Variants in RMND1 observed in about 807,000 individuals in gnomAD.
The protein encoded by RMND1 is required for meiotic nuclear division 1 homolog.
RMND1 carries 41 observed loss-of-function variants against 54.0 expected under a neutral mutation model. The observed-to-expected ratio is 0.76, with a 90% CI of 0.59 to 0.98. The LOEUF is 0.98. RMND1 is among the 50% of genes least tolerant of loss of function. RMND1 has a pLI of 0.00. For missense variants in RMND1, 457 were observed against 532.0 expected, an observed-to-expected ratio of 0.86 and a Z score of 1.39; for synonymous variants, 183 against 181.7, an observed-to-expected ratio of 1.01 and a Z score of -0.06.
chr6:151,417,492 C>T (rs1721505104), intron 9 of RMND1, 93 bp from the exon 10 acceptor site: 8 of 820,000 alleles, frequency 9.8e-6, no homozygotes, highest in Admixed American at 3.5e-5. Flanking sequence ...TTTATGAAAA[C>T]TTTTTTTTTT....
At chr6:151,422,452 T>C in intron 8 of RMND1, 89 bp downstream of exon 8, 1 of 610,604 alleles carries the variant, frequency 1.6e-6, no homozygotes, top group South Asian at 2.9e-5. Context: ...TGGATACTGA[T>C]GGATAGCTAT....
At chr6:151,433,844 GT>G (rs950439459) in intron 3 of RMND1, among the ~76,000 whole-genome samples, 10 of 145,208 alleles carry the variant, frequency 6.9e-5, no homozygotes, top group African/African-American at 1.3e-4. Context: ...TTGTTTGTTT[GT>G]TTTTTTTGAG....
intron 1 of RMND1, among the ~76,000 whole-genome samples, chr6:151,450,894 G>C (rs1157257712): frequency 6.6e-6 from 1 of 152,136 alleles, no homozygotes. Flanking sequence ...GCTAATCGGT[G>C]ACCTTACCCC....
At chr6:151,425,974 C>T (rs1780285041) in intron 6 of RMND1, among the ~76,000 whole-genome samples, 2 of 145,452 alleles carry the variant, frequency 1.4e-5, no homozygotes, top group East Asian at 2.0e-4. Flanking sequence ...GACAGAGTCT[C>T]ACTCTGTTGC....
In RMND1 at chr6:151,436,299, CTTTAT is replaced by C. The variant is rs1780610855; in HGVS notation, c.613+142_613+146del. 5 of 810,812 alleles carry C rather than the reference CTTTAT, an allele frequency of 6.2e-6. No homozygotes were observed. In the South Asian group the frequency reaches 9.2e-5, roughly 15 times the overall value. The allele number at this position is 810,812 out of a possible 1,614,324, so 50.2% of individuals were successfully genotyped here. A position where few individuals can be genotyped will look rare whatever the true frequency, so the allele number is the denominator to read the frequency against. Reference sequence around the variant, plus strand: ...ACATTTTAATTCTTAACTTTGTCATCTTTATAAAGAGATTCAACATCCACTTTTAT... The same window carrying C: ...ACATTTTAATTCTTAACTTTGTCATCAAAGAGATTCAACATCCACTTTTAT... On this transcript the variant is annotated intron_variant, in intron 3 of 11. Transcript: ENST00000444024.
intron 2 of RMND1, chr6:151,445,054 C>A: frequency 2.6e-6 from 1 of 388,160 alleles, no homozygotes; most frequent in Non-Finnish European, 4.5e-6. Context: ...TTTCCTTAGA[C>A]CAATAACCAA....
At chr6:151,429,066 T>C (rs1780382367) in intron 5 of RMND1, among the ~76,000 whole-genome samples, 1 of 152,140 alleles carries the variant, frequency 6.6e-6, no homozygotes, top group African/African-American at 2.4e-5. Context: ...ATTGGGATTG[T>C]ATAAAGCATG....
chr6:151,424,203 G>T (rs1780230005), intron 6 of RMND1, among the ~76,000 whole-genome samples: 1 of 152,060 alleles, frequency 6.6e-6, no homozygotes, highest in Admixed American at 6.6e-5. Context: ...GCTCACGCCT[G>T]TAACCCCAGC....
Position 151,420,454 on chromosome 6 carries a change from A to C in RMND1, c.1079+791T>G, listed in dbSNP as rs187517811. Among the ~76,000 whole-genome samples, 555 of 152,330 alleles carry C rather than the reference A, an allele frequency of 3.6e-3. 15 individuals are homozygous for C. Among genetic ancestry groups the C allele is most frequent in the Non-Finnish European group, 9.0e-4 (61 of 68,040 alleles). On this transcript the variant is annotated intron_variant, in intron 9 of 11. Coordinates refer to ENST00000444024, the MANE Select transcript of RMND1 (RefSeq NM_017909.4). ...ACTCATTCCACATGCTAGAAGGGATAAACTGGACAATGCTGCCTGTGAGAA... is the reference window on the plus strand; with the variant it reads ...ACTCATTCCACATGCTAGAAGGGATCAACTGGACAATGCTGCCTGTGAGAA...
chr6:151,440,732 G>A (rs185451073), intron 2 of RMND1, among the ~76,000 whole-genome samples: 38 of 152,264 alleles, frequency 2.5e-4, no homozygotes, highest in Non-Finnish European at 4.9e-4. Flanking sequence ...TGAACTTGAC[G>A]TTTTAGACAC....
intron 1 of RMND1, among the ~76,000 whole-genome samples, chr6:151,448,028 C>T: frequency 6.6e-6 from 1 of 152,210 alleles, no homozygotes; most frequent in South Asian, 2.1e-4. Flanking sequence ...GTTGGCCAGG[C>T]TGGTCTTGAA....
chr6:151,421,274 C>T lies in RMND1; in HGVS notation c.1050G>A (p.Met350Ile). Residue 350 changes from methionine to isoleucine, a missense_variant, in exon 9 of 12, where the codon ATG (methionine) becomes ATA (isoleucine). Coordinates refer to ENST00000444024, the MANE Select transcript of RMND1 (RefSeq NM_017909.4). ...GAGCAAAGAGTTCACCGATTTTCTGCATAACTTCTTCATGAGATAGTTTCA... is the reference window on the plus strand; with the variant it reads ...GAGCAAAGAGTTCACCGATTTTCTGTATAACTTCTTCATGAGATAGTTTCA... ...KKVKLSHEEV[M>I]QKIGELFALR... 1 of 1,612,596 alleles carries T rather than the reference C, an allele frequency of 6.2e-7. No individual in the cohort carries two copies. Among genetic ancestry groups the T allele is most frequent in the Non-Finnish European group, 8.5e-7 (1 of 1,179,198 alleles).
At chr6:151,414,194 C>A (rs989432138) in intron 10 of RMND1, among the ~76,000 whole-genome samples, 1 of 152,082 alleles carries the variant, frequency 6.6e-6, no homozygotes, top group African/African-American at 2.4e-5. Context: ...CTCAACCTCC[C>A]AGGGTAGCTG....
chr6:151,431,899 A>T (rs950263056), intron 4 of RMND1, among the ~76,000 whole-genome samples: 8 of 151,882 alleles, frequency 5.3e-5, no homozygotes, highest in Middle Eastern at 3.4e-3. Flanking sequence ...TGGAAAATGT[A>T]TCATTACATA....
intron 1 of RMND1, among the ~76,000 whole-genome samples, chr6:151,451,604 T>C (rs1781200524): frequency 3.9e-5 from 6 of 152,114 alleles, no homozygotes; most frequent in Admixed American, 3.3e-4. Flanking sequence ...GCCCAGCACA[T>C]AGTAGGCATT....
At chr6:151,414,357 GA>G (rs1397594090) in intron 10 of RMND1, among the ~76,000 whole-genome samples, 30 of 152,126 alleles carry the variant, frequency 2.0e-4, no homozygotes, top group Non-Finnish European at 1.2e-4. Flanking sequence ...TTGAAAAACA[GA>G]AACAATAGGA....
At chr6:151,430,024 A>C in intron 5 of RMND1, 114 bp downstream of exon 5, 1 of 677,338 alleles carries the variant, frequency 1.5e-6, no homozygotes. Context: ...ATGCAGAGCA[A>C]ATAAGTTGTG....
intron 4 of RMND1, among the ~76,000 whole-genome samples, chr6:151,431,163 G>A (rs895974452): frequency 1.9e-4 from 29 of 152,040 alleles, no homozygotes; most frequent in African/African-American, 6.5e-4. Flanking sequence ...ATAGCAGAGG[G>A]GACACACAGG....
intron 1 of RMND1, among the ~76,000 whole-genome samples, chr6:151,449,784 G>A (rs554455047): frequency 2.6e-5 from 4 of 152,340 alleles, no homozygotes; most frequent in Admixed American, 6.5e-5. Flanking sequence ...GAGTGCCTGC[G>A]ATTACAGGCG....
Sources: allele counts gnomAD v4.1 joint callset (sites outside exome capture counted in the v4.1 genomes callset), GRCh38; gene constraint gnomAD v4.1.1; transcripts MANE v1.5; gene names NCBI Gene and HGNC (gene_info 2026-07-23, HGNC 2026-07-21).